The following SKAP1 variants were observed in gnomAD, a reference collection of about 807,000 sequenced individuals.
SKAP1 encodes src kinase associated phosphoprotein 1.
SKAP1 carries 44 observed loss-of-function variants against 58.5 expected under a neutral mutation model. The ratio of observed to expected loss-of-function variants is 0.75; its 90% CI spans 0.59 to 0.97. The LOEUF is 0.97. Among genes scored for constraint, SKAP1 ranks in the 50% least tolerant of loss-of-function variants. The probability of loss-of-function intolerance (pLI) is 0.00; values close to 1 mark genes in which losing one functional copy is unlikely to be tolerated. For missense variants in SKAP1, 390 were observed against 435.2 expected (o/e 0.90, Z 0.92); for synonymous variants, 127 against 149.7 (o/e 0.85, Z 1.11).
chr17:48,189,677 CT>C (rs891672689), intron 4 of SKAP1, among the ~76,000 whole-genome samples, 177 bp from the exon 5 acceptor site: 259 of 143,234 alleles, frequency 1.8e-3, no homozygotes, highest in Non-Finnish European at 1.7e-3. Context: ...CTTGCTTTTT[CT>C]TTTTTTTTTT....
chr17:48,152,286 C>T (rs2063910872), intron 11 of SKAP1, among the ~76,000 whole-genome samples: 1 of 152,166 alleles, frequency 6.6e-6, no homozygotes, highest in South Asian at 2.1e-4. Context: ...TGAGGTTATA[C>T]TTTGTTTCAA....
intron 4 of SKAP1, among the ~76,000 whole-genome samples, chr17:48,272,320 C>T (rs1429557053): frequency 3.3e-5 from 5 of 151,688 alleles, no homozygotes; most frequent in African/African-American, 7.3e-5. Flanking sequence ...TAAATAGAGA[C>T]GGGGTTTCAC....
At chr17:48,371,574 TG>T (rs1173371640) in intron 2 of SKAP1, among the ~76,000 whole-genome samples, 1 of 141,380 alleles carries the variant, frequency 7.1e-6, no homozygotes, top group South Asian at 2.2e-4. Flanking sequence ...CCCAGCACTT[TG>T]GGAGGCCAAG....
intron 4 of SKAP1, among the ~76,000 whole-genome samples, chr17:48,236,563 A>T (rs2143804382): frequency 6.6e-6 from 1 of 152,360 alleles, no homozygotes; most frequent in South Asian, 2.1e-4. Context: ...AATTTAAAGT[A>T]CTTGGTGTAA....
chr17:48,211,074 A>G (rs1275066586), intron 4 of SKAP1, among the ~76,000 whole-genome samples: 2 of 152,116 alleles, frequency 1.3e-5, no homozygotes, highest in Non-Finnish European at 2.9e-5. Context: ...CCTGAAAAAG[A>G]GTTTTGCATC....
chr17:48,210,077 C>T (rs2064853550), intron 4 of SKAP1, among the ~76,000 whole-genome samples: 1 of 152,190 alleles, frequency 6.6e-6, no homozygotes, highest in Non-Finnish European at 1.5e-5. Flanking sequence ...AGGCACAGAG[C>T]TCCAGCTCTC....
At chr17:48,190,260 C>G (rs545377772) in intron 4 of SKAP1, among the ~76,000 whole-genome samples, 1 of 151,912 alleles carries the variant, frequency 6.6e-6, no homozygotes, top group East Asian at 1.9e-4. Context: ...GCGACCACCA[C>G]CACGCCCGGC....
rs1442103475 is a variant in SKAP1, at chr17:48,180,140, C to T, written c.740G>A (p.Cys247Tyr). ...GFDSPSCGSQ[C>Y]RPTILPGSVG... is the part of the protein sequence containing the mutation. ...ACTCCCAGGCAAGATAGTGGGTCTG[C>T]ACTGGGAACCACAACTTGGGGAGTC... The change falls in exon 9 of 13, where the codon TGC (cysteine) becomes TAC (tyrosine). Residue 247 changes from cysteine to tyrosine, a missense_variant. By Grantham distance (194) the Cys-to-Tyr change is radical. Coordinates refer to ENST00000336915, the MANE Select transcript of SKAP1 (RefSeq NM_003726.4). The T allele has an allele frequency of 6.2e-7, 1 of 1,613,834 alleles. No individual in the cohort carries two copies. The highest frequency in any genetic ancestry group is 8.5e-7 in the Non-Finnish European group (1 of 1,179,886).
intron 1 of SKAP1, among the ~76,000 whole-genome samples, chr17:48,426,849 G>T (rs76082174): frequency 2.0e-5 from 3 of 146,478 alleles, no homozygotes; most frequent in Admixed American, 1.4e-4. Context: ...AAGATAGCGT[G>T]TTTTTTTTTT....
intron 4 of SKAP1, among the ~76,000 whole-genome samples, chr17:48,259,166 AC>A (rs1242186743): frequency 6.6e-5 from 10 of 152,146 alleles, no homozygotes; most frequent in African/African-American, 1.9e-4. Flanking sequence ...TTTCAGAATA[AC>A]CTATATTTTA....
At chr17:48,334,958 A>C (rs2066550279) in intron 4 of SKAP1, among the ~76,000 whole-genome samples, 2 of 151,846 alleles carry the variant, frequency 1.3e-5, no homozygotes, top group Non-Finnish European at 3.0e-5. Context: ...AAAGTTGGGG[A>C]GAAAGAAGAA....
chr17:48,225,909 G>T (rs1235759711), intron 4 of SKAP1, among the ~76,000 whole-genome samples: 1 of 152,204 alleles, frequency 6.6e-6, no homozygotes, highest in East Asian at 1.9e-4. Context: ...GATTCATCAT[G>T]CCAGGAGCTG....
At chr17:48,287,594 A>G (rs979017629) in intron 4 of SKAP1, among the ~76,000 whole-genome samples, 5 of 152,242 alleles carry the variant, frequency 3.3e-5, no homozygotes, top group Non-Finnish European at 2.9e-5. Context: ...AAATGCCAAT[A>G]TAAAGCATAC....
chr17:48,232,360 A>ACCAC (rs1208541484), intron 4 of SKAP1, among the ~76,000 whole-genome samples: 2 of 152,228 alleles, frequency 1.3e-5, no homozygotes, highest in Non-Finnish European at 2.9e-5. Context: ...GTGCAAAGAT[A>ACCAC]CCACCAGGTG....
chr17:48,356,113 G>T (rs1195781201), intron 3 of SKAP1, among the ~76,000 whole-genome samples: 1 of 152,018 alleles, frequency 6.6e-6, no homozygotes, highest in South Asian at 2.1e-4. Flanking sequence ...AATTAGCTGC[G>T]CATGGTGGCT....
At chr17:48,208,080 A>T (rs182991928) in intron 4 of SKAP1, among the ~76,000 whole-genome samples, 46 of 152,322 alleles carry the variant, frequency 3.0e-4, no homozygotes, top group Admixed American at 5.2e-4. Context: ...AGAAACACAT[A>T]ATCATTAGTC....
At chr17:48,139,786 G>C (rs1191965808) in intron 11 of SKAP1, among the ~76,000 whole-genome samples, 1 of 152,094 alleles carries the variant, frequency 6.6e-6, no homozygotes, top group African/African-American at 2.4e-5. Flanking sequence ...GAAGCCATCA[G>C]ATTTGTCAGC....
chr17:48,265,500 A>AGC (rs200951567), intron 4 of SKAP1, among the ~76,000 whole-genome samples: 229 of 119,704 alleles, frequency 1.9e-3, no homozygotes, highest in Admixed American at 4.2e-3. Context: ...CAAAAAAAAA[A>AGC]AAAGCAAGCA....
At chr17:48,301,160 CTT>C (rs886104475) in intron 4 of SKAP1, among the ~76,000 whole-genome samples, 1 of 152,134 alleles carries the variant, frequency 6.6e-6, no homozygotes, top group African/African-American at 2.4e-5. Context: ...CACCAAACAA[CTT>C]TTTTTAGGTA....
Sources: gnomAD v4.1 joint callset for allele counts (sites outside exome capture counted in the v4.1 genomes callset) on GRCh38, gnomAD v4.1.1 for gene constraint, MANE v1.5 for transcripts, NCBI Gene and HGNC (gene_info 2026-07-23, HGNC 2026-07-21) for gene names.